CACNG8: variants seen among roughly 807,000 people sequenced by gnomAD.
CACNG8 encodes voltage-dependent calcium channel gamma-8 subunit.
CACNG8 carries 5 observed loss-of-function variants against 26.9 expected under a neutral mutation model. The observed-to-expected ratio is 0.19, with a 90% CI of 0.10 to 0.39. The LOEUF is 0.39. CACNG8 is among the 10% of genes least tolerant of loss of function. The pLI is 1.00. For missense variants in CACNG8, 473 were observed against 609.4 expected (o/e 0.78, Z 2.36); for synonymous variants, 321 against 296.7 (o/e 1.08, Z -0.84).
intron 2 of CACNG8, among the ~76,000 whole-genome samples, chr19:53,978,606 G>T (rs1298565277): frequency 6.6e-6 from 1 of 151,730 alleles, no homozygotes; most frequent in Non-Finnish European, 1.5e-5. Context: ...ACTGGGAGCC[G>T]GCTGGGAAAG....
intron 3 of CACNG8, 35 bp downstream of exon 3, chr19:53,980,042 C>T (rs758199423): frequency 4.6e-5 from 72 of 1,570,822 alleles, no homozygotes; most frequent in Non-Finnish European, 6.1e-5. Flanking sequence ...CCGGGGCGGC[C>T]CACCTGGGCG....
At chr19:53,969,115 C>A (rs948517542) in intron 1 of CACNG8, among the ~76,000 whole-genome samples, 1 of 152,006 alleles carries the variant, frequency 6.6e-6, no homozygotes, top group South Asian at 2.1e-4. Flanking sequence ...GCAATTCTCC[C>A]GCCTCAGCCT....
chr19:53,963,477 C>T lies in CACNG8; in HGVS notation c.283+52C>T, dbSNP rs745578890. ...GCCCCCGCCGCTCCCCTCCGAGAGA[C>T]CCTGAGCCTCCCGGGGCTGCCTGTC... is the stretch of plus-strand genomic sequence containing the variant. On this transcript the variant is annotated intron_variant, in intron 1 of 3. Coordinates refer to ENST00000270458, the MANE Select transcript of CACNG8 (RefSeq NM_031895.6). The T allele has an allele frequency of 1.3e-5, 19 of 1,410,856 alleles. No individual in the cohort carries two copies. In the South Asian group the frequency reaches 2.6e-4, roughly 19 times the overall value. 87.4% of individuals were successfully genotyped at this position (1,410,856 alleles called of 1,614,324 possible).
chr19:53,982,301 A>C lies in CACNG8; in HGVS notation c.730A>C (p.Lys244Gln). 6.2e-7 allele frequency: 1 copy of C among 1,605,032 alleles called. No individual in the cohort carries two copies. The highest frequency in any genetic ancestry group is 2.3e-5 in the East Asian group (1 of 44,322). The change falls in exon 4 of 4, where the codon AAG (lysine) becomes CAG (glutamine). Residue 244 changes from lysine (K) to glutamine (Q), a missense_variant. Around this residue, in one of 6 missense-constraint regions of CACNG8, gnomAD observed 155 missense variants for 253.0 expected, o/e 0.61. Transcript: ENST00000270458. This position sits in a 1 kb window ranked among gnomAD's most constrained non-coding sequence, Gnocchi z 8.4. ...CTGCCAGTCTCGCTCGGACCTGCTC[A>C]AGGCCGGCGGGGGCGCGGGCGGCAG...
chr19:53,972,586 T>A (rs553991846), intron 1 of CACNG8, among the ~76,000 whole-genome samples: 9 of 151,810 alleles, frequency 5.9e-5, no homozygotes, highest in Admixed American at 3.3e-4. Flanking sequence ...GGTCTCGAAC[T>A]CCTGACCTCA....
intron 1 of CACNG8, among the ~76,000 whole-genome samples, chr19:53,970,409 G>T (rs2069295730): frequency 6.6e-6 from 1 of 151,510 alleles, no homozygotes; most frequent in South Asian, 2.1e-4. Context: ...CGGATCACTT[G>T]AGGTCAGGAG....
chr19:53,975,074 T>A (rs2069323268), intron 1 of CACNG8, among the ~76,000 whole-genome samples: 1 of 147,168 alleles, frequency 6.8e-6, no homozygotes, highest in Non-Finnish European at 1.5e-5. Context: ...TCAGCCTCCC[T>A]AGTAGCTGGG....
In CACNG8 at chr19:53,963,346, C is replaced by T; in HGVS notation, c.204C>T (p.Arg68=). Residue 68 remains arginine (R), a synonymous_variant, in exon 1 of 4, where the codon CGC becomes CGT. Coordinates refer to ENST00000270458, the MANE Select transcript of CACNG8 (RefSeq NM_031895.6). The stretch of plus-strand genomic sequence containing the variant: ...GCGGCGACGACGGGACCCCCCACCG[C>T]GGGGGCGGCGGCGCCTCGGAGAAGA... 6.3e-7 allele frequency: 1 copy of T among 1,595,354 alleles called. No individual in the cohort carries two copies. The highest frequency in any genetic ancestry group is 8.5e-7 in the Non-Finnish European group (1 of 1,176,018).
In CACNG8 at chr19:53,982,495, G is replaced by A. The variant is rs1224478823; in HGVS notation, c.924G>A (p.Thr308=). 2.0e-6 allele frequency: 3 copies of A among 1,492,082 alleles called. No individual in the cohort carries two copies. Among genetic ancestry groups the A allele is most frequent in the South Asian group, 1.3e-5 (1 of 79,188 alleles). The allele number at this position is 1,492,082 out of a possible 1,614,324, so 92.4% of individuals were successfully genotyped here. ...CCTCCACGGACATCTCCATGTACAC[G>A]CTCAGCCGCGACCCCTCCAAGGGCA... The change falls in exon 4 of 4, where the codon ACG becomes ACA. Residue 308 remains threonine, a synonymous_variant. Transcript: ENST00000270458. The surrounding 1 kb of genome is among the most constrained non-coding windows in gnomAD (Gnocchi z 8.4).
chr19:53,977,935 C>A (rs962637109), intron 1 of CACNG8, among the ~76,000 whole-genome samples: 1 of 152,122 alleles, frequency 6.6e-6, no homozygotes, highest in Non-Finnish European at 1.5e-5. Flanking sequence ...CCTTGCTTTT[C>A]TTCTTTTCTT....
In CACNG8 at chr19:53,978,098, C is replaced by A. The variant is rs2069340764; in HGVS notation, c.284-48C>A. ...GGTTGTCAGTGGGGTTGCCCCGCCCCCAACCCTGAAGTATCCGCCCCCACC... is the reference window on the plus strand; with the variant it reads ...GGTTGTCAGTGGGGTTGCCCCGCCCACAACCCTGAAGTATCCGCCCCCACC... On this transcript the variant is annotated intron_variant, in intron 1 of 3. Coordinates refer to ENST00000270458, the MANE Select transcript of CACNG8 (RefSeq NM_031895.6). 5 of 1,360,350 alleles carry A rather than the reference C, an allele frequency of 3.7e-6. No individual in the cohort carries two copies. In the East Asian group the frequency reaches 9.3e-5, roughly 25 times the overall value. 84.3% of individuals were successfully genotyped at this position (1,360,350 alleles called of 1,614,324 possible).
chr19:53,967,242 T>C (rs993784804), intron 1 of CACNG8, among the ~76,000 whole-genome samples: 2 of 152,214 alleles, frequency 1.3e-5, no homozygotes, highest in Admixed American at 1.3e-4. Flanking sequence ...CCTGAGCTCC[T>C]GAGAATAGGG....
intron 1 of CACNG8, among the ~76,000 whole-genome samples, chr19:53,976,620 C>A (rs987919510): frequency 3.3e-5 from 5 of 152,156 alleles, no homozygotes; most frequent in Non-Finnish European, 7.4e-5. Context: ...TGCTTATATT[C>A]ATTCATTAAT....
intron 1 of CACNG8, among the ~76,000 whole-genome samples, chr19:53,966,087 A>G (rs1008868244): frequency 7.4e-6 from 1 of 135,048 alleles, no homozygotes; most frequent in Non-Finnish European, 1.6e-5. Context: ...AAAATTATTT[A>G]TTTATTTATT....
intron 1 of CACNG8, among the ~76,000 whole-genome samples, chr19:53,972,496 G>A (rs1271007490): frequency 6.6e-6 from 1 of 150,744 alleles, no homozygotes; most frequent in African/African-American, 2.4e-5. Context: ...CGAGTAGTTG[G>A]GATTATAGGC....
chr19:53,963,327 A>G lies in CACNG8; in HGVS notation c.185A>G (p.Asp62Gly). 1 of 1,601,472 alleles carries G rather than the reference A, an allele frequency of 6.2e-7. No individual in the cohort carries two copies. The highest frequency in any genetic ancestry group is 8.5e-7 in the Non-Finnish European group (1 of 1,177,674). Residue 62 changes from aspartate to glycine, a missense_variant, in exon 1 of 4, where the codon GAC (aspartate) becomes GGC (glycine). Asp to Gly is a moderately conservative substitution (Grantham distance 94, BLOSUM62 -1). Transcript: ENST00000270458. ...ACCACCAACCTCACGGCCGGCGGCG[A>G]CGACGGGACCCCCCACCGCGGGGGC...
chr19:53,982,201 G>A lies in CACNG8; in HGVS notation c.630G>A (p.Gly210=), dbSNP rs759070080. Residue 210 remains glycine, a synonymous_variant, in exon 4 of 4, where the codon GGG becomes GGA. Transcript: ENST00000270458. This position sits in a 1 kb window ranked among gnomAD's most constrained non-coding sequence, Gnocchi z 8.4. The stretch of plus-strand genomic sequence containing the variant: ...ACGGCTGGTCCTTCTACTTCGGCGG[G>A]CTGTCGTTCATCCTGGCCGAGGTGA... 6.2e-7 allele frequency: 1 copy of A among 1,613,198 alleles called. No homozygotes were observed. The highest frequency in any genetic ancestry group is 8.5e-7 in the Non-Finnish European group (1 of 1,179,750).
At position 53,982,830 on chromosome 19, in the gene CACNG8, G is replaced by C; in HGVS notation, c.1259G>C (p.Arg420Thr). The change falls in exon 4 of 4, where the codon AGG becomes ACG. Residue 420 changes from arginine to threonine, a missense_variant. Coordinates refer to ENST00000270458, the MANE Select transcript of CACNG8 (RefSeq NM_031895.6). The surrounding 1 kb of genome is among the most constrained non-coding windows in gnomAD (Gnocchi z 8.4). ...GCCTCCAACACCAACACGCTCAACA[G>C]GAAAACCACGCCTGTGTAGGGGCGC... is the stretch of plus-strand genomic sequence containing the variant. The C allele has an allele frequency of 7.3e-7, 1 of 1,374,718 alleles. No individual in the cohort carries two copies. The highest frequency in any genetic ancestry group is 9.5e-7 in the Non-Finnish European group (1 of 1,057,942). The allele number at this position is 1,374,718 out of a possible 1,614,324, so 85.2% of individuals were successfully genotyped here. A position where few individuals can be genotyped will look rare whatever the true frequency, so the allele number is the denominator to read the frequency against.
At chr19:53,965,925 C>T (rs1159873449) in intron 1 of CACNG8, among the ~76,000 whole-genome samples, 1 of 151,896 alleles carries the variant, frequency 6.6e-6, no homozygotes, top group Non-Finnish European at 1.5e-5. Context: ...GAATAGCAGG[C>T]GCAGAGGCCC....
Sources: gnomAD v4.1 joint callset for allele counts (sites outside exome capture counted in the v4.1 genomes callset) on GRCh38, gnomAD v4.1.1 for gene constraint, gnomAD v4.1.1 regional missense constraint, Gnocchi (gnomAD v3.1) non-coding constraint, MANE v1.5 for transcripts, NCBI Gene and HGNC (gene_info 2026-07-23, HGNC 2026-07-21) for gene names.